Variants in SLIT2 observed in about 807,000 individuals in gnomAD.
SLIT2 encodes the protein slit guidance ligand 2.
SLIT2 carries 41 observed loss-of-function variants against 185.7 expected under a neutral mutation model. The ratio of observed to expected loss-of-function variants is 0.22; its 90% confidence interval spans 0.17 to 0.29. The LOEUF is 0.29. SLIT2 is among the 10% of genes least tolerant of loss of function. The pLI is 1.00. For synonymous variants in SLIT2, 693 were observed against 680.2 expected, an observed-to-expected ratio of 1.02 and a Z score of -0.29; for missense variants, 1,571 against 1,909.0, an observed-to-expected ratio of 0.82 and a Z score of 3.30.
At chr4:20,398,635 A>T (rs1726107131) in intron 4 of SLIT2, among the ~76,000 whole-genome samples, 1 of 151,702 alleles carries the variant, frequency 6.6e-6, no homozygotes, top group Non-Finnish European at 1.5e-5. Flanking sequence ...ATTTTTACTC[A>T]GTCATGTATT....
Position 20,464,935 on chromosome 4 carries a change from C to T in SLIT2, c.396-2817C>T, listed in dbSNP as rs115247404. On this transcript the variant is annotated intron_variant, in intron 4 of 36. Transcript: ENST00000504154. Reference sequence around the variant, plus strand: ...TCTTAAAGACAGGAAATTGGCCTTACCCAACTCAGTAGCCCTTGCAACATA... The same window carrying T: ...TCTTAAAGACAGGAAATTGGCCTTATCCAACTCAGTAGCCCTTGCAACATA... Among the ~76,000 whole-genome samples, 393 of 152,194 alleles carry T rather than the reference C, an allele frequency of 2.6e-3. 4 individuals carry two copies. The highest frequency in any genetic ancestry group is 9.3e-3 in the African/African-American group (384 of 41,494).
intron 4 of SLIT2, among the ~76,000 whole-genome samples, chr4:20,309,044 T>C (rs1717837782): frequency 6.6e-6 from 1 of 152,178 alleles, no homozygotes; most frequent in African/African-American, 2.4e-5. Flanking sequence ...ATCATTATTA[T>C]CATAATTAAT....
At chr4:20,454,956 T>A (rs1218873732) in intron 4 of SLIT2, among the ~76,000 whole-genome samples, 6 of 149,854 alleles carry the variant, frequency 4.0e-5, no homozygotes, top group African/African-American at 7.3e-5. Flanking sequence ...CATGCCAATT[T>A]AAAAAAAAAA....
chr4:20,416,001 A>G (rs962004758), intron 4 of SLIT2, among the ~76,000 whole-genome samples: 1 of 152,188 alleles, frequency 6.6e-6, no homozygotes, highest in Admixed American at 6.5e-5. Context: ...GAATCAACCA[A>G]TTTTACAATA....
At chr4:20,563,015 G>A (rs1477463779) in intron 26 of SLIT2, among the ~76,000 whole-genome samples, 2 of 151,738 alleles carry the variant, frequency 1.3e-5, no homozygotes, top group Non-Finnish European at 2.9e-5. Context: ...GGTGTCAGGT[G>A]CGTAACTAGT....
At chr4:20,256,399 A>G (rs1711841934) in intron 1 of SLIT2, among the ~76,000 whole-genome samples, 1 of 152,190 alleles carries the variant, frequency 6.6e-6, no homozygotes, top group Non-Finnish European at 1.5e-5. Flanking sequence ...AAAAATGGAA[A>G]GGACTCTCCC....
At chr4:20,278,819 G>C (rs1035774317) in intron 4 of SLIT2, among the ~76,000 whole-genome samples, 7 of 150,776 alleles carry the variant, frequency 4.6e-5, no homozygotes, top group African/African-American at 1.5e-4. Flanking sequence ...GGGGGGCGGT[G>C]GGGGGAGGGC....
intron 4 of SLIT2, among the ~76,000 whole-genome samples, chr4:20,312,213 A>G (rs755063860): frequency 2.0e-5 from 3 of 152,212 alleles, no homozygotes; most frequent in Non-Finnish European, 4.4e-5. Flanking sequence ...TTTAAGTTAC[A>G]GTATGGAAAA....
At chr4:20,562,721 C>T (rs554508640) in intron 26 of SLIT2, among the ~76,000 whole-genome samples, 1 of 151,652 alleles carries the variant, frequency 6.6e-6, no homozygotes, top group Non-Finnish European at 1.5e-5. Flanking sequence ...TTGAGAAATG[C>T]CATAATGTAA....
chr4:20,507,193 G>A (rs1262543263), intron 9 of SLIT2, among the ~76,000 whole-genome samples: 1 of 151,780 alleles, frequency 6.6e-6, no homozygotes, highest in Non-Finnish European at 1.5e-5. Flanking sequence ...ATAACTTTCT[G>A]AGTATGCAGC....
At chr4:20,273,922 G>T (rs972162515) in intron 4 of SLIT2, among the ~76,000 whole-genome samples, 1 of 152,126 alleles carries the variant, frequency 6.6e-6, no homozygotes, top group African/African-American at 2.4e-5. Flanking sequence ...CAATAAATCC[G>T]ACTGTGATTG....
chr4:20,269,188 G>C (rs1466634355), intron 4 of SLIT2, among the ~76,000 whole-genome samples: 1 of 151,812 alleles, frequency 6.6e-6, no homozygotes, highest in Non-Finnish European at 1.5e-5. Context: ...GTTCTGAAGG[G>C]AGAAAATTGC....
In SLIT2 at chr4:20,345,537, C is replaced by CTTTTTTTTTTTTTTTTTTTTT. The variant is rs149402460; in HGVS notation, c.395+76662_395+76663insTTTTTTTTTTTTTTTTTTTTT. Among the ~76,000 whole-genome samples the CTTTTTTTTTTTTTTTTTTTTT allele has an allele frequency of 1.8e-5, 2 of 112,318 alleles. 1 individual carries two copies. 73.7% of individuals were successfully genotyped at this position (112,318 alleles called of 152,430 possible). On this transcript the variant is annotated intron_variant, in intron 4 of 36. Transcript: ENST00000504154. ...TTTTCTTTTTCTTTTTTCCTTTTTT[C>CTTTTTTTTTTTTTTTTTTTTT]TTTTTTCTTTTTTTTTGAGATAGAG...
intron 4 of SLIT2, among the ~76,000 whole-genome samples, chr4:20,297,724 G>T (rs1227795238): frequency 6.6e-6 from 1 of 152,068 alleles, no homozygotes; most frequent in Non-Finnish European, 1.5e-5. Context: ...TGATATATTT[G>T]TGTAAATCAT....
Position 20,600,837 on chromosome 4 carries a change from C to A in SLIT2, c.3692+2442C>A, listed in dbSNP as rs577910570. On this transcript the variant is annotated intron_variant, in intron 33 of 36. Transcript: ENST00000504154. The stretch of plus-strand genomic sequence containing the variant: ...ATTTTCCAATCCAGAAAAGCTATGA[C>A]CTTATTTTTTAATAAAAGAGGCAAC... Among the ~76,000 whole-genome samples, 3 of 151,622 alleles carry A rather than the reference C, an allele frequency of 2.0e-5. No homozygotes were observed. In the East Asian group the frequency reaches 5.8e-4, roughly 29 times the overall value.
intron 32 of SLIT2, 69 bp downstream of exon 32, chr4:20,596,724 G>A (rs1214792417): frequency 2.0e-6 from 3 of 1,473,992 alleles, no homozygotes; most frequent in South Asian, 2.5e-5. Context: ...AAACATTTGT[G>A]GTAGCTTCTG....
chr4:20,492,041 T>G, intron 9 of SLIT2, 142 bp downstream of exon 9: 1 of 722,134 alleles, frequency 1.4e-6, no homozygotes, highest in East Asian at 2.7e-5. Flanking sequence ...GTATTGATTC[T>G]TACTCTGATT....
chr4:20,334,373 A>G (rs1720319887), intron 4 of SLIT2, among the ~76,000 whole-genome samples: 1 of 152,178 alleles, frequency 6.6e-6, no homozygotes, highest in Non-Finnish European at 1.5e-5. Flanking sequence ...TCAAACTAAG[A>G]AGATGACACA....
chr4:20,347,348 T>G (rs1721512707), intron 4 of SLIT2, among the ~76,000 whole-genome samples: 1 of 152,234 alleles, frequency 6.6e-6, no homozygotes, highest in Admixed American at 6.5e-5. Flanking sequence ...TTGCCAAATA[T>G]TTAAGTACAT....
Sources: allele counts gnomAD v4.1 joint callset (sites outside exome capture counted in the v4.1 genomes callset), GRCh38; gene constraint gnomAD v4.1.1; transcripts MANE v1.5; gene names NCBI Gene and HGNC (gene_info 2026-07-23, HGNC 2026-07-21).